SLIT2: variants seen among roughly 807,000 people sequenced by gnomAD.
The protein encoded by SLIT2 is slit guidance ligand 2.
Under a neutral mutation model 185.7 loss-of-function variants are expected in SLIT2, and 41 were observed. That is an observed-to-expected ratio of 0.22 (90% CI 0.17 to 0.29). SLIT2 has a LOEUF of 0.29. Among genes scored for constraint, SLIT2 ranks in the 10% least tolerant of loss-of-function variants. SLIT2 has a pLI of 1.00. For synonymous variants in SLIT2, 693 were observed against 680.2 expected (o/e 1.02, Z -0.29); for missense variants, 1,571 against 1,909.0 (o/e 0.82, Z 3.30).
intron 29 of SLIT2, among the ~76,000 whole-genome samples, chr4:20,584,540 A>G (rs914080594): frequency 6.6e-6 from 1 of 152,240 alleles, no homozygotes; most frequent in Non-Finnish European, 1.5e-5. Context: ...GAATGGGCAC[A>G]TTACCACTCC....
chr4:20,510,835 T>C (rs76732866), intron 10 of SLIT2, among the ~76,000 whole-genome samples: 1,581 of 152,308 alleles, frequency 0.01, 22 homozygotes, highest in East Asian at 0.074. Flanking sequence ...GTTCAGGTGT[T>C]CTATTGTCAA....
intron 4 of SLIT2, among the ~76,000 whole-genome samples, chr4:20,441,192 G>T (rs991394165): frequency 6.6e-6 from 1 of 152,180 alleles, no homozygotes; most frequent in Non-Finnish European, 1.5e-5. Flanking sequence ...AAAGGGAACT[G>T]CTGGGTCCTG....
chr4:20,601,337 TG>T lies in SLIT2; in HGVS notation c.3692+2943del, dbSNP rs377666530. Among the ~76,000 whole-genome samples the T allele has an allele frequency of 2.9e-4, 44 of 152,358 alleles. No homozygotes were observed. In the East Asian group the frequency reaches 7.7e-3, roughly 27 times the overall value. On this transcript the variant is annotated intron_variant, in intron 33 of 36. Coordinates refer to ENST00000504154, the MANE Select transcript of SLIT2 (RefSeq NM_004787.4). Reference sequence around the variant, plus strand: ...GGATAACAAATAATAGTGTCCTTTTTGTGAGATTACGGTAAGAATTGTACGA... The same window carrying T: ...GGATAACAAATAATAGTGTCCTTTTTTGAGATTACGGTAAGAATTGTACGA...
intron 4 of SLIT2, among the ~76,000 whole-genome samples, chr4:20,449,595 G>T (rs965687712): frequency 1.3e-5 from 2 of 152,106 alleles, no homozygotes; most frequent in African/African-American, 4.8e-5. Context: ...TTTTAGTAGA[G>T]ACAGGGTTTC....
At chr4:20,376,829 C>T (rs997026119) in intron 4 of SLIT2, among the ~76,000 whole-genome samples, 5 of 152,158 alleles carry the variant, frequency 3.3e-5, no homozygotes, top group Admixed American at 3.3e-4. Context: ...ACAATGAGAA[C>T]AGTTGGACAC....
chr4:20,452,796 G>T (rs1223106841), intron 4 of SLIT2, among the ~76,000 whole-genome samples: 1 of 152,162 alleles, frequency 6.6e-6, no homozygotes, highest in Non-Finnish European at 1.5e-5. Flanking sequence ...CAGGCAGCCT[G>T]CATTGAGAAG....
intron 35 of SLIT2, 62 bp downstream of exon 35, chr4:20,617,260 A>G (rs1729734700): frequency 1.1e-5 from 15 of 1,405,856 alleles, no homozygotes; most frequent in Non-Finnish European, 1.4e-5. Context: ...AAACCAAAGG[A>G]AGGAAGGAAA....
chr4:20,582,711 T>G lies in SLIT2; in HGVS notation c.3089-6933T>G, dbSNP rs148708559. Among the ~76,000 whole-genome samples, 5 of 152,342 alleles carry G rather than the reference T, an allele frequency of 3.3e-5. No individual in the cohort carries two copies. In the East Asian group the frequency reaches 9.6e-4, roughly 29 times the overall value. On this transcript the variant is annotated intron_variant, in intron 29 of 36. Transcript: ENST00000504154. ...GCATCCTCAGTGTACAATTTTTCTC[T>G]CTTTCCTTATTAAGTTAAGAACTTT...
chr4:20,400,483 T>G (rs577556068), intron 4 of SLIT2, among the ~76,000 whole-genome samples: 1 of 151,708 alleles, frequency 6.6e-6, no homozygotes, highest in Admixed American at 6.6e-5. Context: ...ATAGGAAATA[T>G]AGGATGAGAT....
chr4:20,490,549 C>T (rs912485034), intron 8 of SLIT2, among the ~76,000 whole-genome samples: 8 of 152,026 alleles, frequency 5.3e-5, no homozygotes, highest in Admixed American at 1.3e-4. Context: ...TATAATGCAT[C>T]GTAAGTAGTT....
Position 20,610,092 on chromosome 4 carries a change from G to A in SLIT2, c.3772G>A (p.Gly1258Ser). 6.2e-7 allele frequency: 1 copy of A among 1,613,714 alleles called. No individual in the cohort carries two copies. The highest frequency in any genetic ancestry group is 8.5e-7 in the Non-Finnish European group (1 of 1,179,744). Residue 1258 changes from glycine to serine, a missense_variant, in exon 34 of 37, where the codon GGT becomes AGT. Coordinates refer to ENST00000504154, the MANE Select transcript of SLIT2 (RefSeq NM_004787.4). ...TCAGAGTCTCTCTTTGTCCGTGGATGGTGGGAACCCCAAAATCATCACTAA... is the reference window on the plus strand; with the variant it reads ...TCAGAGTCTCTCTTTGTCCGTGGATAGTGGGAACCCCAAAATCATCACTAA... Reference protein sequence around the residue: ...LDQSLSLSVDGGNPKIITNLS... With the variant: ...LDQSLSLSVDSGNPKIITNLS...
At chr4:20,610,929 C>G (rs1353602860) in intron 34 of SLIT2, among the ~76,000 whole-genome samples, 1 of 152,050 alleles carries the variant, frequency 6.6e-6, no homozygotes, top group Admixed American at 6.6e-5. Flanking sequence ...TCTGTAGGAG[C>G]CCATCGGAGA....
At chr4:20,299,474 C>G (rs1716835227) in intron 4 of SLIT2, among the ~76,000 whole-genome samples, 1 of 152,116 alleles carries the variant, frequency 6.6e-6, no homozygotes, top group South Asian at 2.1e-4. Flanking sequence ...TTATATACCT[C>G]ATTTGAATAT....
rs1238328974 is a variant in SLIT2, at chr4:20,567,299, C to G, written c.2763C>G (p.Pro921=). 17 of 1,612,460 alleles carry G rather than the reference C, an allele frequency of 1.1e-5. No homozygotes were observed. The highest frequency in any genetic ancestry group is 1.4e-5 in the Non-Finnish European group (17 of 1,178,920). The change falls in exon 27 of 37, where the codon CCC becomes CCG. Residue 921 remains proline (P), a synonymous_variant. Transcript: ENST00000504154. ...VDVNILAKCN[P]CLSNPCKNDG... ...TCAATATTCTAGCTAAGTGTAACCC[C>G]TGCCTATCAAATCCGTGTAAAAATG... is the stretch of plus-strand genomic sequence containing the variant.
At chr4:20,334,361 C>T (rs2109210153) in intron 4 of SLIT2, among the ~76,000 whole-genome samples, 1 of 152,164 alleles carries the variant, frequency 6.6e-6, no homozygotes, top group Admixed American at 6.5e-5. Flanking sequence ...AATGGGATTG[C>T]ATCAAACTAA....
chr4:20,342,571 A>T (rs1339926234), intron 4 of SLIT2, among the ~76,000 whole-genome samples: 2 of 152,110 alleles, frequency 1.3e-5, no homozygotes, highest in Non-Finnish European at 2.9e-5. Flanking sequence ...CTTTTAGCAT[A>T]AATCTAATTA....
intron 9 of SLIT2, among the ~76,000 whole-genome samples, chr4:20,494,017 T>C (rs895560150): frequency 5.3e-5 from 8 of 152,242 alleles, no homozygotes; most frequent in Non-Finnish European, 8.8e-5. Flanking sequence ...TTGGAGTCAG[T>C]TCATGGATGG....
At position 20,364,780 on chromosome 4, in the gene SLIT2, ATAAAT is replaced by A. The variant is rs554278214; in HGVS notation, c.395+95904_395+95908del. Among the ~76,000 whole-genome samples, 690 of 152,236 alleles carry A rather than the reference ATAAAT, an allele frequency of 4.5e-3. 2 individuals are homozygous for A. The highest frequency in any genetic ancestry group is 6.9e-3 in the Non-Finnish European group (469 of 67,998). On this transcript the variant is annotated intron_variant, in intron 4 of 36. Transcript: ENST00000504154. ...TAACTTTTAAAATAAAACTTTGGAG[ATAAAT>A]TAAAGGCACTAGAAGGTCACAAAAC...
chr4:20,263,583 C>A (rs1156429553), intron 3 of SLIT2, among the ~76,000 whole-genome samples: 3 of 151,796 alleles, frequency 2.0e-5, no homozygotes, highest in African/African-American at 7.2e-5. Flanking sequence ...GGTTTCTAAC[C>A]AGATACAAGC....
Sources: allele counts gnomAD v4.1 joint callset (sites outside exome capture counted in the v4.1 genomes callset), GRCh38; gene constraint gnomAD v4.1.1; transcripts MANE v1.5; gene names NCBI Gene and HGNC (gene_info 2026-07-23, HGNC 2026-07-21).